FOXP4: variants seen among roughly 807,000 people sequenced by gnomAD.
FOXP4 encodes the protein forkhead box P4, also known as forkhead box protein P4.
FOXP4 carries 25 observed loss-of-function variants against 82.6 expected under a neutral mutation model. The observed-to-expected ratio is 0.30, with a 90% CI of 0.22 to 0.42. The LOEUF is 0.42. FOXP4 is among the 10% of genes least tolerant of loss of function. The probability of loss-of-function intolerance (pLI) is 1.00; values close to 1 mark genes in which losing one functional copy is unlikely to be tolerated. For synonymous variants in FOXP4, 415 were observed against 388.2 expected, an observed-to-expected ratio of 1.07 and a Z score of -0.81; for missense variants, 785 against 900.9, an observed-to-expected ratio of 0.87 and a Z score of 1.65.
chr6:41,547,532 C>G (rs1763715747), intron 1 of FOXP4: 1 of 152,356 alleles, frequency 6.6e-6, no homozygotes. Flanking sequence ...CAGGGCCAGT[C>G]AGCCCCTTTT....
chr6:41,551,069 A>G (rs4714479), intron 1 of FOXP4, among the ~76,000 whole-genome samples: 53,752 of 152,042 alleles, frequency 0.35, 10,019 homozygotes, highest in African/African-American at 0.47. Context: ...CCTTCAGTCC[A>G]CTGCCAGTTC....
chr6:41,553,000 G>A (rs1390366153), intron 1 of FOXP4, among the ~76,000 whole-genome samples: 4 of 152,048 alleles, frequency 2.6e-5, no homozygotes, highest in African/African-American at 9.7e-5. Flanking sequence ...CCACATCCTC[G>A]GGCTCACCAT....
intron 14 of FOXP4, among the ~76,000 whole-genome samples, chr6:41,595,491 G>A (rs1463047167): frequency 6.6e-6 from 1 of 152,266 alleles, no homozygotes; most frequent in Admixed American, 6.5e-5. Context: ...GGCAGAGCTG[G>A]TTCCAGGACC....
chr6:41,588,147 G>A (rs1240775350), intron 8 of FOXP4, among the ~76,000 whole-genome samples: 1 of 152,174 alleles, frequency 6.6e-6, no homozygotes. Context: ...AGGAGAAGGA[G>A]AGGACAAACA....
intron 11 of FOXP4, 42 bp downstream of exon 11, chr6:41,590,212 G>A (rs1487559967): frequency 6.2e-7 from 1 of 1,609,062 alleles, no homozygotes; most frequent in Non-Finnish European, 8.5e-7. Flanking sequence ...GCAGCGTGAG[G>A]CTGTTTTTCC....
chr6:41,601,582 C>T lies in FOXP4; in HGVS notation c.*2646C>T, dbSNP rs923863850. 6.6e-6 allele frequency: 1 copy of T among 152,302 alleles called. No individual in the cohort carries two copies. Among genetic ancestry groups the T allele is most frequent in the African/African-American group, 2.4e-5 (1 of 41,462 alleles). The allele number at this position is 152,302 out of a possible 1,614,324, so 9.4% of individuals were successfully genotyped here. ...TTGCCTCCCAGGTTCAAGTGATTCTCCTGCCTCAGCCTCCCAAGTAGCTGG... is the reference window on the plus strand; with the variant it reads ...TTGCCTCCCAGGTTCAAGTGATTCTTCTGCCTCAGCCTCCCAAGTAGCTGG... On this transcript the variant is annotated 3_prime_UTR_variant, in exon 17 of 17. Transcript: ENST00000307972.
chr6:41,591,796 A>T lies in FOXP4; in HGVS notation c.1536+474A>T, dbSNP rs752678896. On this transcript the variant is annotated intron_variant, in intron 13 of 16. Transcript: ENST00000307972. This position sits in a 1 kb window ranked among gnomAD's most constrained non-coding sequence, Gnocchi z 4.2. ...AGAGCCGTGGACCACACATTGGGGC[A>T]CTGACGGCACTCACAGCCCTCCCCA... 6.6e-6 allele frequency among the ~76,000 whole-genome samples: 1 copy of T among 152,206 alleles called. No homozygotes were observed. Among genetic ancestry groups the T allele is most frequent in the Non-Finnish European group, 1.5e-5 (1 of 68,040 alleles).
At chr6:41,596,971 T>C (rs762429509) in intron 14 of FOXP4, among the ~76,000 whole-genome samples, 1 of 152,148 alleles carries the variant, frequency 6.6e-6, no homozygotes, top group African/African-American at 2.4e-5. Flanking sequence ...GTGAAGGGGC[T>C]GCTCCTGCAG....
At chr6:41,548,706 C>T (rs868475912) in intron 1 of FOXP4, 3 of 152,312 alleles carry the variant, frequency 2.0e-5, no homozygotes, top group African/African-American at 7.2e-5. Flanking sequence ...GCGAACCAGC[C>T]GGTAGGTGCA....
chr6:41,550,378 TTTA>T (rs1035473794), intron 1 of FOXP4, among the ~76,000 whole-genome samples: 1 of 152,164 alleles, frequency 6.6e-6, no homozygotes, highest in Admixed American at 6.5e-5. Context: ...AGGGATGGCG[TTTA>T]TTATTAATTT....
intron 2 of FOXP4, among the ~76,000 whole-genome samples, chr6:41,568,133 C>T (rs1307463458): frequency 6.6e-6 from 1 of 152,164 alleles, no homozygotes; most frequent in Admixed American, 6.5e-5. Flanking sequence ...TCCCCAACAA[C>T]AAATGTTCCT....
In FOXP4 at chr6:41,571,472, G is replaced by A. The variant is rs532498159; in HGVS notation, c.204+5508G>A. ...AGGCCAGAAACTAGTTCCTTATAGA[G>A]AGGAGGCATTTTCAAGGCACTTGGT... On this transcript the variant is annotated intron_variant, in intron 2 of 16. Transcript: ENST00000307972. Among the ~76,000 whole-genome samples, 15 of 152,356 alleles carry A rather than the reference G, an allele frequency of 9.8e-5. No homozygotes were observed. In the South Asian group the frequency reaches 2.7e-3, roughly 27 times the overall value.
chr6:41,565,231 G>A (rs1177307508), intron 1 of FOXP4, among the ~76,000 whole-genome samples: 1 of 152,038 alleles, frequency 6.6e-6, no homozygotes, highest in Non-Finnish European at 1.5e-5. Flanking sequence ...GTGGTGGCAG[G>A]CACCTGTAAT....
intron 13 of FOXP4, among the ~76,000 whole-genome samples, chr6:41,594,337 C>T (rs1008989805): frequency 6.6e-6 from 1 of 152,148 alleles, no homozygotes; most frequent in African/African-American, 2.4e-5. Flanking sequence ...TGTTCTGAGC[C>T]ACAGCCAAAG....
intron 1 of FOXP4, among the ~76,000 whole-genome samples, chr6:41,563,416 C>T (rs1217024984): frequency 6.6e-6 from 1 of 152,152 alleles, no homozygotes; most frequent in Admixed American, 6.5e-5. Context: ...AAATCACAGT[C>T]CAGTCTCTTT....
intron 14 of FOXP4, among the ~76,000 whole-genome samples, chr6:41,596,435 C>T (rs908029510): frequency 1.3e-5 from 2 of 152,190 alleles, no homozygotes; most frequent in African/African-American, 4.8e-5. Context: ...CAGGCAGGAG[C>T]CTTTGCACCC....
chr6:41,584,861 C>G lies in FOXP4; in HGVS notation c.393C>G (p.Leu131=). The G allele has an allele frequency of 1.2e-6, 2 of 1,611,350 alleles. No individual in the cohort carries two copies. Among genetic ancestry groups the G allele is most frequent in the Non-Finnish European group, 1.7e-6 (2 of 1,179,060 alleles). The part of the protein sequence containing the change: ...ILSPPQLQAL[L]QQQQALMLQQ... ...CGCCCCCGCAGCTGCAGGCCTTGCT[C>G]CAGCAGCAGCAAGCCCTCATGCTCC... The change falls in exon 4 of 17, where the codon CTC becomes CTG. Residue 131 remains leucine, a synonymous_variant. Coordinates refer to ENST00000307972, the MANE Select transcript of FOXP4 (RefSeq NM_001012426.2).
intron 3 of FOXP4, among the ~76,000 whole-genome samples, chr6:41,578,725 G>T (rs1419388201): frequency 2.1e-5 from 3 of 142,874 alleles, no homozygotes; most frequent in East Asian, 2.2e-4. Context: ...GGCGGGGGGT[G>T]GGGGAGCCAG....
intron 9 of FOXP4, 65 bp downstream of exon 9, chr6:41,588,796 G>T: frequency 6.4e-7 from 1 of 1,567,854 alleles, no homozygotes; most frequent in South Asian, 1.1e-5. Flanking sequence ...CCACAGCACT[G>T]ACTTGCTAGG....
Sources: gnomAD v4.1 joint callset for allele counts (sites outside exome capture counted in the v4.1 genomes callset) on GRCh38, gnomAD v4.1.1 for gene constraint, Gnocchi (gnomAD v3.1) non-coding constraint, MANE v1.5 for transcripts, NCBI Gene and HGNC (gene_info 2026-07-23, HGNC 2026-07-21) for gene names.